Variants in NWD1 observed in about 807,000 individuals in gnomAD.
NWD1 encodes NACHT domain- and WD repeat-containing protein 1.
NWD1 carries 129 observed loss-of-function variants against 135.1 expected under a neutral mutation model. The observed-to-expected ratio is 0.96, with a 90% CI of 0.83 to 1.11. The LOEUF (loss-of-function observed/expected upper bound fraction) is 1.11, where lower values mean the gene tolerates loss of function less well. NWD1 is among the 50% of genes least tolerant of loss of function. The probability of loss-of-function intolerance (pLI) is 0.00; values close to 1 mark genes in which losing one functional copy is unlikely to be tolerated. For synonymous variants in NWD1, 773 were observed against 786.0 expected, an observed-to-expected ratio of 0.98 and a Z score of 0.28; for missense variants, 1,740 against 1,851.3, an observed-to-expected ratio of 0.94 and a Z score of 1.10.
At chr19:16,757,981 G>A (rs1208675341) in intron 6 of NWD1, among the ~76,000 whole-genome samples, 1 of 152,066 alleles carries the variant, frequency 6.6e-6, no homozygotes, top group African/African-American at 2.4e-5. Context: ...GAAGCCAGGA[G>A]GCAGAGATTG....
At chr19:16,805,715 CTGCCAACCCCCAGAGCTT>C (rs992144070) in intron 17 of NWD1, among the ~76,000 whole-genome samples, 2 of 152,154 alleles carry the variant, frequency 1.3e-5, no homozygotes, top group African/African-American at 4.8e-5. Flanking sequence ...GATTTGCTCC[CTGCCAACCCCCAGAGCTT>C]TGCCTAGTGG....
At chr19:16,773,744 C>T (rs1366005956) in intron 11 of NWD1, among the ~76,000 whole-genome samples, 1 of 152,134 alleles carries the variant, frequency 6.6e-6, no homozygotes, top group African/African-American at 2.4e-5. Context: ...GTTTTGCCAT[C>T]CATTTGTCAT....
intron 6 of NWD1, among the ~76,000 whole-genome samples, chr19:16,756,613 T>C (rs1274339041): frequency 1.3e-5 from 2 of 152,224 alleles, no homozygotes; most frequent in Admixed American, 1.3e-4. Context: ...CTATCTATAA[T>C]CTATATGCCT....
intron 2 of NWD1, among the ~76,000 whole-genome samples, chr19:16,730,201 A>G (rs1441313411): frequency 4.6e-5 from 7 of 152,002 alleles, no homozygotes; most frequent in African/African-American, 1.7e-4. Context: ...GCACGCCTGT[A>G]ATCCCAGCTA....
At position 16,749,495 on chromosome 19, in the gene NWD1, G is replaced by A. The variant is rs1164588300; in HGVS notation, c.853G>A (p.Asp285Asn). 7 of 1,611,382 alleles carry A rather than the reference G, an allele frequency of 4.3e-6. No individual in the cohort carries two copies. In the South Asian group the frequency reaches 6.6e-5, roughly 15 times the overall value. The change falls in exon 6 of 19, where the codon GAT becomes AAT. Residue 285 changes from aspartate (D) to asparagine (N), a missense_variant. Transcript: ENST00000524140. ...HQVLTRLREL[D>N]TAGQELAWLY... ...GGTCCTCACACGCCTCCGTGAGCTG[G>A]ATACGGCCGGACAGGAGTTGGCGTG...
intron 6 of NWD1, among the ~76,000 whole-genome samples, chr19:16,758,579 A>G (rs1968884439): frequency 6.6e-6 from 1 of 152,124 alleles, no homozygotes; most frequent in African/African-American, 2.4e-5. Context: ...GCCCAGCCCA[A>G]TTATCCTAAT....
intron 11 of NWD1, among the ~76,000 whole-genome samples, chr19:16,778,494 C>CTTTTTTTT (rs11307621): frequency 3.7e-5 from 4 of 107,556 alleles, no homozygotes; most frequent in African/African-American, 4.8e-5. Flanking sequence ...TCTTCTTCTT[C>CTTTTTTTT]TTTTTTTTTT....
At chr19:16,781,796 A>G (rs1471126001) in intron 12 of NWD1, among the ~76,000 whole-genome samples, 1 of 152,102 alleles carries the variant, frequency 6.6e-6, no homozygotes, top group Non-Finnish European at 1.5e-5. Flanking sequence ...TTAGCTTTAG[A>G]AAGAATCTAA....
At chr19:16,781,409 A>G (rs1348645848) in intron 12 of NWD1, among the ~76,000 whole-genome samples, 1 of 152,128 alleles carries the variant, frequency 6.6e-6, no homozygotes, top group Non-Finnish European at 1.5e-5. Context: ...TAAGCTCAGG[A>G]TTTTGAGACC....
intron 4 of NWD1, among the ~76,000 whole-genome samples, chr19:16,739,535 G>C (rs1391111144): frequency 6.6e-6 from 1 of 151,996 alleles, no homozygotes; most frequent in Non-Finnish European, 1.5e-5. Flanking sequence ...GGACCTTCCA[G>C]AAAGGCCCTA....
At position 16,815,672 on chromosome 19, in the gene NWD1, G is replaced by A. The variant is rs753374133; in HGVS notation, c.*633G>A. The A allele has an allele frequency of 1.4e-5, 3 of 221,326 alleles. No homozygotes were observed. The highest frequency in any genetic ancestry group is 7.6e-5 in the South Asian group (1 of 13,160). 13.7% of individuals were successfully genotyped at this position (221,326 alleles called of 1,614,324 possible). A position where few individuals can be genotyped will look rare whatever the true frequency, so the allele number is the denominator to read the frequency against. On this transcript the variant is annotated 3_prime_UTR_variant, in exon 19 of 19. Coordinates refer to ENST00000524140, the MANE Select transcript of NWD1 (RefSeq NM_001007525.5). ...AGCCCTAAACCAATTATTATATCTGGGAGAATGCAGAGCTCTAATCGGCTA... is the reference window on the plus strand; with the variant it reads ...AGCCCTAAACCAATTATTATATCTGAGAGAATGCAGAGCTCTAATCGGCTA...
chr19:16,748,932 G>A (rs923438223), intron 5 of NWD1, among the ~76,000 whole-genome samples: 40 of 152,090 alleles, frequency 2.6e-4, no homozygotes, highest in African/African-American at 9.4e-4. Flanking sequence ...GCAAACTCCG[G>A]GGCCCCACTC....
At chr19:16,782,285 A>T (rs1366923562) in intron 12 of NWD1, among the ~76,000 whole-genome samples, 1 of 97,674 alleles carries the variant, frequency 1.0e-5, no homozygotes, top group Admixed American at 9.6e-5. Flanking sequence ...CGTCACCTCT[A>T]AAAAAAAAAA....
chr19:16,798,234 T>G (rs2123090663), intron 16 of NWD1, among the ~76,000 whole-genome samples: 1 of 152,286 alleles, frequency 6.6e-6, no homozygotes, highest in South Asian at 2.1e-4. Context: ...ATAGCAGATC[T>G]TCAGTGTTTT....
chr19:16,731,353 C>CT (rs1163604285), intron 3 of NWD1, 75 bp downstream of exon 3: 3 of 890,890 alleles, frequency 3.4e-6, no homozygotes, highest in Non-Finnish European at 5.3e-6. Context: ...TGTCGCCAGG[C>CT]TGGAGTGCAG....
intron 10 of NWD1, among the ~76,000 whole-genome samples, chr19:16,770,356 G>A (rs1969371977): frequency 6.6e-6 from 1 of 152,012 alleles, no homozygotes; most frequent in African/African-American, 2.4e-5. Context: ...CTCTCCTCCC[G>A]CCTTGTGAAG....
Position 16,763,913 on chromosome 19 carries a change from G to C in NWD1, c.2219G>C (p.Gly740Ala). Residue 740 changes from glycine (G) to alanine (A), a missense_variant, in exon 9 of 19, where the codon GGC becomes GCC. Physicochemically the swap from Gly to Ala is moderately conservative, Grantham distance 60. Coordinates refer to ENST00000524140, the MANE Select transcript of NWD1 (RefSeq NM_001007525.5). ...TTGCCCTATCACCTGCTTCACTCGG[G>C]CCGCCTGGAGGAGCTGAAACAGGAG... ...KELPYHLLHS[G>A]RLEELKQEVL... is the part of the protein sequence containing the mutation. The C allele has an allele frequency of 6.2e-7, 1 of 1,613,380 alleles. No homozygotes were observed. Among genetic ancestry groups the C allele is most frequent in the Non-Finnish European group, 8.5e-7 (1 of 1,179,382 alleles).
At chr19:16,733,567 A>AAAAGG (rs1967669432) in intron 3 of NWD1, among the ~76,000 whole-genome samples, 1 of 151,984 alleles carries the variant, frequency 6.6e-6, no homozygotes. Flanking sequence ...AAAAGAAAAG[A>AAAAGG]AAAGGAAAAA....
chr19:16,741,496 G>A (rs970060204), intron 4 of NWD1, among the ~76,000 whole-genome samples: 2 of 150,982 alleles, frequency 1.3e-5, no homozygotes, highest in African/African-American at 4.9e-5. Flanking sequence ...CTCCCAAGTA[G>A]CTGGGATTAC....
Sources: allele counts gnomAD v4.1 joint callset (sites outside exome capture counted in the v4.1 genomes callset), GRCh38; gene constraint gnomAD v4.1.1; transcripts MANE v1.5; gene names NCBI Gene and HGNC (gene_info 2026-07-23, HGNC 2026-07-21).